The following EPHA3 variants were observed in gnomAD, a reference collection of about 807,000 sequenced individuals.
EPHA3 encodes the protein EPH receptor A3.
In EPHA3, 42 loss-of-function variants were observed where a neutral mutation model predicts 107.1. The ratio of observed to expected loss-of-function variants is 0.39; its 90% CI spans 0.31 to 0.51. The LOEUF is 0.51. Ranked by LOEUF, EPHA3 falls within the 20% of genes least tolerant of loss-of-function variation. The probability of loss-of-function intolerance (pLI) is 0.78; values close to 1 mark genes in which losing one functional copy is unlikely to be tolerated. For synonymous variants in EPHA3, 461 were observed against 424.8 expected (o/e 1.09, Z -1.05); for missense variants, 1,183 against 1,211.2 (o/e 0.98, Z 0.35).
chr3:89,313,256 A>G (rs138489905), intron 3 of EPHA3, among the ~76,000 whole-genome samples: 3 of 152,034 alleles, frequency 2.0e-5, no homozygotes, highest in Non-Finnish European at 4.4e-5. Flanking sequence ...TACAGATAGC[A>G]TATAATTGGA....
intron 5 of EPHA3, among the ~76,000 whole-genome samples, chr3:89,383,838 T>C (rs368440896): frequency 0.016 from 2,412 of 151,644 alleles, 67 homozygotes; most frequent in African/African-American, 0.055. Context: ...TTAGTAGAGA[T>C]GGGGTTTCAC....
chr3:89,432,203 C>A (rs1709582621), intron 13 of EPHA3, among the ~76,000 whole-genome samples: 1 of 151,972 alleles, frequency 6.6e-6, no homozygotes, highest in Non-Finnish European at 1.5e-5. Context: ...TGTTTTGTGT[C>A]AAAGATTACG....
chr3:89,135,956 T>G (rs1477072793), intron 2 of EPHA3, among the ~76,000 whole-genome samples: 1 of 152,140 alleles, frequency 6.6e-6, no homozygotes, highest in Non-Finnish European at 1.5e-5. Flanking sequence ...TACTTTACAG[T>G]ATGATGTTAT....
chr3:89,164,686 G>T (rs148619935), intron 2 of EPHA3, among the ~76,000 whole-genome samples: 1 of 152,202 alleles, frequency 6.6e-6, no homozygotes, highest in East Asian at 1.9e-4. Flanking sequence ...GTAGGCCAAG[G>T]AAAGGATCTC....
chr3:89,322,127 G>A (rs1321781483), intron 3 of EPHA3, among the ~76,000 whole-genome samples: 2 of 151,524 alleles, frequency 1.3e-5, no homozygotes, highest in African/African-American at 4.8e-5. Context: ...CACACAGAGG[G>A]GGGTTGGAGA....
chr3:89,196,455 A>T (rs1705838863), intron 2 of EPHA3, among the ~76,000 whole-genome samples: 1 of 152,176 alleles, frequency 6.6e-6, no homozygotes, highest in African/African-American at 2.4e-5. Flanking sequence ...CATCATTTTC[A>T]CTGCTGTAAT....
intron 2 of EPHA3, among the ~76,000 whole-genome samples, chr3:89,191,805 TATC>T (rs1705722823): frequency 6.6e-6 from 1 of 152,158 alleles, no homozygotes; most frequent in African/African-American, 2.4e-5. Flanking sequence ...TTTAAAGTAC[TATC>T]ATCAGACCGG....
chr3:89,447,650 GC>G (rs898625820), intron 13 of EPHA3, among the ~76,000 whole-genome samples: 2 of 152,112 alleles, frequency 1.3e-5, no homozygotes, highest in African/African-American at 4.8e-5. Context: ...TCTCCTCTGT[GC>G]TTTGATTTAT....
intron 3 of EPHA3, among the ~76,000 whole-genome samples, chr3:89,276,337 G>A (rs1264354271): frequency 1.3e-5 from 2 of 152,030 alleles, no homozygotes; most frequent in Non-Finnish European, 2.9e-5. Context: ...GAATGAGGAT[G>A]CCTCTGCCTG....
At chr3:89,263,000 T>C (rs959322655) in intron 3 of EPHA3, among the ~76,000 whole-genome samples, 1 of 146,518 alleles carries the variant, frequency 6.8e-6, no homozygotes, top group Non-Finnish European at 1.5e-5. Context: ...TAATTATACT[T>C]TAAGTTCTCG....
intron 3 of EPHA3, among the ~76,000 whole-genome samples, chr3:89,309,312 G>A (rs985631081): frequency 1.3e-5 from 2 of 152,078 alleles, no homozygotes; most frequent in African/African-American, 4.8e-5. Context: ...CGGAGAAGGG[G>A]AATAGGAGAG....
chr3:89,420,167 C>A (rs1024742445), intron 11 of EPHA3, among the ~76,000 whole-genome samples: 5 of 151,412 alleles, frequency 3.3e-5, no homozygotes, highest in Non-Finnish European at 7.4e-5. Context: ...AAATTGGCAG[C>A]AAACTTTTTA....
At position 89,339,062 on chromosome 3, in the gene EPHA3, A is replaced by C. The variant is rs146104294; in HGVS notation, c.815-1854A>C. ...ATAACAGTAAAGGATACGTAGGCAC[A>C]TATACATACAGCTTCATAAATATTT... On this transcript the variant is annotated intron_variant, in intron 3 of 16. Transcript: ENST00000336596. 2.3e-4 allele frequency among the ~76,000 whole-genome samples: 35 copies of C among 152,336 alleles called. No individual in the cohort carries two copies. In the East Asian group the frequency reaches 6.4e-3, roughly 28 times the overall value.
chr3:89,169,243 G>GTT (rs367865177), intron 2 of EPHA3, among the ~76,000 whole-genome samples: 2 of 151,150 alleles, frequency 1.3e-5, no homozygotes, highest in African/African-American at 4.9e-5. Context: ...AATTATACAT[G>GTT]TTTTTTTTTC....
At chr3:89,467,120 T>C (rs1227445833) in intron 15 of EPHA3, among the ~76,000 whole-genome samples, 1 of 152,110 alleles carries the variant, frequency 6.6e-6, no homozygotes, top group Non-Finnish European at 1.5e-5. Flanking sequence ...ATTTTAGTGA[T>C]AAAGATCAAG....
chr3:89,416,205 A>G (rs769380253), intron 10 of EPHA3, among the ~76,000 whole-genome samples: 2 of 151,502 alleles, frequency 1.3e-5, no homozygotes, highest in Non-Finnish European at 3.0e-5. Flanking sequence ...GTGCATTTTA[A>G]TCAGAATACA....
intron 2 of EPHA3, among the ~76,000 whole-genome samples, chr3:89,190,410 C>T (rs1312192433): frequency 6.6e-6 from 1 of 152,122 alleles, no homozygotes; most frequent in African/African-American, 2.4e-5. Flanking sequence ...AACCAATTAA[C>T]CAATTACCTA....
intron 2 of EPHA3, among the ~76,000 whole-genome samples, chr3:89,201,048 G>A (rs1424267189): frequency 6.6e-6 from 1 of 152,156 alleles, no homozygotes; most frequent in Admixed American, 6.5e-5. Context: ...GATTTAAAAA[G>A]AAAAGAAGTT....
chr3:89,213,704 A>G (rs1179966338), intron 3 of EPHA3, among the ~76,000 whole-genome samples: 1 of 152,020 alleles, frequency 6.6e-6, no homozygotes, highest in African/African-American at 2.4e-5. Context: ...AATACCTGTA[A>G]TAAAGCAACC....
Sources: gnomAD v4.1 joint callset for allele counts (sites outside exome capture counted in the v4.1 genomes callset) on GRCh38, gnomAD v4.1.1 for gene constraint, MANE v1.5 for transcripts, NCBI Gene and HGNC (gene_info 2026-07-23, HGNC 2026-07-21) for gene names.